The following NCKAP5 variants were observed in gnomAD, a reference collection of about 807,000 sequenced individuals.
NCKAP5 encodes the protein nck-associated protein 5.
NCKAP5 carries 92 observed loss-of-function variants against 167.0 expected under a neutral mutation model. The ratio of observed to expected loss-of-function variants is 0.55; its 90% CI spans 0.47 to 0.66. The LOEUF (loss-of-function observed/expected upper bound fraction) is 0.66. Ranked by LOEUF, NCKAP5 falls within the 30% of genes least tolerant of loss-of-function variation. The pLI is 0.00. For synonymous variants in NCKAP5, 891 were observed against 877.4 expected, an observed-to-expected ratio of 1.02 and a Z score of -0.27; for missense variants, 2,378 against 2,315.0, an observed-to-expected ratio of 1.03 and a Z score of -0.56.
the NCKAP5 span, among the ~76,000 whole-genome samples, chr2:133,631,506 A>G: frequency 2.0e-5 from 3 of 152,378 alleles, no homozygotes; most frequent in African/African-American, 7.2e-5. Context: ...TTAAATGGCC[A>G]TGTACCTTCA....
the NCKAP5 span, among the ~76,000 whole-genome samples, chr2:133,635,417 CTCTT>C: frequency 6.6e-6 from 1 of 150,752 alleles, no homozygotes; most frequent in Non-Finnish European, 1.5e-5. Flanking sequence ...TCTGGGAAGA[CTCTT>C]TCATGAGATT....
chr2:133,648,139 C>A, the NCKAP5 span, among the ~76,000 whole-genome samples: 6 of 151,590 alleles, frequency 4.0e-5, no homozygotes, highest in Non-Finnish European at 7.4e-5. Context: ...TCATAAAAAG[C>A]AAGGACATTT....
intron 6 of NCKAP5, chr2:133,122,476 A>C (rs534188150): frequency 6.6e-6 from 1 of 152,344 alleles, no homozygotes; most frequent in South Asian, 2.1e-4. Flanking sequence ...GTTGTCATAA[A>C]GTTATCTCTG....
intron 19 of NCKAP5, among the ~76,000 whole-genome samples, chr2:132,708,944 C>G (rs1030259587): frequency 9.2e-5 from 14 of 152,028 alleles, no homozygotes; most frequent in Non-Finnish European, 1.9e-4. Flanking sequence ...ATGCTTTTTG[C>G]ATCTGATTTA....
chr2:132,761,442 A>G (rs1680998457), intron 16 of NCKAP5, among the ~76,000 whole-genome samples: 1 of 152,222 alleles, frequency 6.6e-6, no homozygotes, highest in African/African-American at 2.4e-5. Context: ...CCATGGGCAA[A>G]TGCTGGCTAG....
intron 5 of NCKAP5, among the ~76,000 whole-genome samples, chr2:133,206,420 G>A (rs908833399): frequency 1.4e-4 from 21 of 152,094 alleles, no homozygotes; most frequent in South Asian, 2.1e-4. Flanking sequence ...TGCAATCTCT[G>A]AACATAAATT....
At chr2:132,881,362 A>G (rs1313037432) in intron 8 of NCKAP5, among the ~76,000 whole-genome samples, 1 of 151,822 alleles carries the variant, frequency 6.6e-6, no homozygotes, top group Non-Finnish European at 1.5e-5. Flanking sequence ...TTTAGTAGAG[A>G]TGGGGTTTCA....
intron 11 of NCKAP5, among the ~76,000 whole-genome samples, chr2:132,823,264 T>C (rs1686891478): frequency 1.3e-5 from 2 of 151,980 alleles, no homozygotes; most frequent in Admixed American, 1.3e-4. Context: ...TTATCTAAAG[T>C]CAAAACAAGG....
chr2:133,189,936 G>A (rs1204326078), intron 5 of NCKAP5, among the ~76,000 whole-genome samples: 1 of 152,020 alleles, frequency 6.6e-6, no homozygotes, highest in East Asian at 1.9e-4. Context: ...CAATCAGGCA[G>A]GAGAAAGAAA....
intron 8 of NCKAP5, among the ~76,000 whole-genome samples, chr2:132,895,903 G>A (rs1693163828): frequency 6.6e-6 from 1 of 152,062 alleles, no homozygotes. Flanking sequence ...GTAAGGCCGA[G>A]GTGGGCAGAT....
intron 3 of NCKAP5, among the ~76,000 whole-genome samples, chr2:133,444,308 C>T (rs1381331429): frequency 6.7e-6 from 1 of 150,154 alleles, no homozygotes; most frequent in Non-Finnish European, 1.5e-5. Context: ...CATAGGGGGC[C>T]CAGAAACTTT....
chr2:132,973,450 T>C (rs1422324519), intron 7 of NCKAP5, among the ~76,000 whole-genome samples: 4 of 152,236 alleles, frequency 2.6e-5, no homozygotes, highest in Non-Finnish European at 5.9e-5. Flanking sequence ...AGTTATCACA[T>C]AAATTCTCTG....
chr2:132,739,015 G>C (rs987988528), intron 16 of NCKAP5, among the ~76,000 whole-genome samples: 20 of 152,100 alleles, frequency 1.3e-4, no homozygotes, highest in Non-Finnish European at 2.8e-4. Flanking sequence ...TATAAACTAT[G>C]CTTCTTCCAA....
At chr2:133,537,777 C>T (rs1054025537) in intron 2 of NCKAP5, among the ~76,000 whole-genome samples, 1 of 151,992 alleles carries the variant, frequency 6.6e-6, no homozygotes. Flanking sequence ...GGGTTGTATA[C>T]AGTATATCTG....
At chr2:133,424,796 A>T (rs1689690163) in intron 3 of NCKAP5, among the ~76,000 whole-genome samples, 2 of 152,154 alleles carry the variant, frequency 1.3e-5, no homozygotes, top group Non-Finnish European at 2.9e-5. Flanking sequence ...AGTGGTTCTG[A>T]GGCACGTGAC....
At chr2:133,420,488 G>A (rs1689404435) in intron 3 of NCKAP5, among the ~76,000 whole-genome samples, 1 of 152,230 alleles carries the variant, frequency 6.6e-6, no homozygotes, top group African/African-American at 2.4e-5. Context: ...TACTGGTTAT[G>A]AGGTTTCTTT....
intron 8 of NCKAP5, among the ~76,000 whole-genome samples, chr2:132,916,345 T>C (rs551803338): frequency 6.6e-6 from 1 of 152,102 alleles, no homozygotes; most frequent in East Asian, 1.9e-4. Context: ...TTACTTTGCA[T>C]GGGGCTGGTT....
chr2:133,573,418 GGCTGATACA>G (rs1688937621), upstream of NCKAP5, among the ~76,000 whole-genome samples: 1 of 152,124 alleles, frequency 6.6e-6, no homozygotes, highest in Non-Finnish European at 1.5e-5. Context: ...TTGGCGAGGG[GGCTGATACA>G]GCCTACATCT....
At chr2:133,638,916 ATG>A in the NCKAP5 span, among the ~76,000 whole-genome samples, 2 of 152,144 alleles carry the variant, frequency 1.3e-5, no homozygotes, top group Non-Finnish European at 2.9e-5. Flanking sequence ...AGCAGTAACA[ATG>A]TGGGAGAAGT....
Sources: gnomAD v4.1 joint callset for allele counts (sites outside exome capture counted in the v4.1 genomes callset) on GRCh38, gnomAD v4.1.1 for gene constraint, MANE v1.5 for transcripts, NCBI Gene and HGNC (gene_info 2026-07-23, HGNC 2026-07-21) for gene names.